Variants in ATXN7 observed in about 807,000 individuals in gnomAD.
ATXN7 encodes ataxin 7, also known as ataxin-7.
Under a neutral mutation model 70.5 loss-of-function variants are expected in ATXN7, and 12 were observed. The observed-to-expected ratio is 0.17, with a 90% CI of 0.11 to 0.28. The LOEUF (loss-of-function observed/expected upper bound fraction) is 0.28. Among genes scored for constraint, ATXN7 ranks in the 10% least tolerant of loss-of-function variants. The pLI, the probability that ATXN7 is intolerant of heterozygous loss-of-function variation, is 1.00. For missense variants in ATXN7, 1,256 were observed against 1,131.7 expected (o/e 1.11, Z -1.58); for synonymous variants, 498 against 448.7 (o/e 1.11, Z -1.39).
Position 64,000,878 on chromosome 3 carries a change from C to G in ATXN7, c.*1411C>G, listed in dbSNP as rs938294287. 3 of 142,442 alleles carry G rather than the reference C, an allele frequency of 2.1e-5. No homozygotes were observed. Among genetic ancestry groups the G allele is most frequent in the Admixed American group, 7.8e-5 (1 of 12,826 alleles). 8.8% of individuals were successfully genotyped at this position (142,442 alleles called of 1,614,324 possible). On this transcript the variant is annotated 3_prime_UTR_variant, in exon 13 of 13. Coordinates refer to ENST00000674280, the MANE Select transcript of ATXN7 (RefSeq NM_001377405.1). Reference sequence around the variant, plus strand: ...GAGAAGGTGTCATTGAATTCCGGGACGAGCCGGAGCCTTTAAATGGGTGCT... The same window carrying G: ...GAGAAGGTGTCATTGAATTCCGGGAGGAGCCGGAGCCTTTAAATGGGTGCT...
intron 2 of ATXN7, among the ~76,000 whole-genome samples, chr3:63,907,564 G>A (rs1703881478): frequency 6.8e-6 from 1 of 146,022 alleles, no homozygotes; most frequent in Non-Finnish European, 1.5e-5. Flanking sequence ...AACTTAAGCA[G>A]TCCTCCCCCT....
At position 63,992,071 on chromosome 3, in the gene ATXN7, CTGTT is replaced by C. The variant is rs551687580; in HGVS notation, c.1682+1215_1682+1218del. 4.7e-4 allele frequency among the ~76,000 whole-genome samples: 71 copies of C among 152,282 alleles called. No homozygotes were observed. The Middle Eastern group carries it at 0.014, about 29-fold the overall frequency. On this transcript the variant is annotated intron_variant, in intron 11 of 12. Transcript: ENST00000674280. ...TAATCCCCAGGCCATCCCAGATCCT[CTGTT>C]TGGGCATTATTTACTAGTGCCTCCT...
intron 4 of ATXN7, among the ~76,000 whole-genome samples, chr3:63,924,363 T>C (rs1704622196): frequency 1.3e-5 from 2 of 152,084 alleles, no homozygotes; most frequent in Non-Finnish European, 2.9e-5. Flanking sequence ...TGGAGCAGTC[T>C]GGGGTGGAGA....
At chr3:63,881,624 G>T (rs1041927126) in intron 1 of ATXN7, among the ~76,000 whole-genome samples, 1 of 152,092 alleles carries the variant, frequency 6.6e-6, no homozygotes, top group Non-Finnish European at 1.5e-5. Flanking sequence ...GAGAAGCTGG[G>T]ATTATAGGTG....
At chr3:63,863,306 C>G, upstream of ATXN7, 1 of 371,046 alleles carries the variant, frequency 2.7e-6, no homozygotes, top group Non-Finnish European at 3.7e-6. Flanking sequence ...AGCTCCCACT[C>G]CCTCCCAGAC....
intron 4 of ATXN7, among the ~76,000 whole-genome samples, chr3:63,937,106 T>TG (rs1231136216): frequency 2.6e-5 from 4 of 152,152 alleles, no homozygotes; most frequent in African/African-American, 4.8e-5. Context: ...TGCCAGAAGA[T>TG]GGGGGTACGA....
At chr3:63,959,085 G>A (rs2075081641) in intron 5 of ATXN7, among the ~76,000 whole-genome samples, 1 of 152,206 alleles carries the variant, frequency 6.6e-6, no homozygotes, top group South Asian at 2.1e-4. Context: ...AATGATGGTA[G>A]GTAGATAATT....
At chr3:63,995,427 C>G in intron 11 of ATXN7, 78 bp from the exon 12 acceptor site, 1 of 1,510,254 alleles carries the variant, frequency 6.6e-7, no homozygotes, top group Admixed American at 1.8e-5. Context: ...TTGTCACAAG[C>G]AAAGAGGGTG....
chr3:63,929,333 C>T (rs867417061), intron 4 of ATXN7, among the ~76,000 whole-genome samples: 8 of 147,304 alleles, frequency 5.4e-5, no homozygotes, highest in South Asian at 2.1e-4. Context: ...AGTGCAGTGG[C>T]GCCATCTCGG....
intron 2 of ATXN7, among the ~76,000 whole-genome samples, chr3:63,911,082 A>C (rs1262876759): frequency 1.3e-5 from 2 of 152,290 alleles, no homozygotes; most frequent in South Asian, 2.1e-4. Context: ...CAGAGAAAGC[A>C]CTTGTGAGCA....
At chr3:63,914,466 G>A (rs1704182125) in intron 4 of ATXN7, among the ~76,000 whole-genome samples, 1 of 152,148 alleles carries the variant, frequency 6.6e-6, no homozygotes, top group Non-Finnish European at 1.5e-5. Flanking sequence ...GAAAGCACAG[G>A]ACTTGTTGAT....
At chr3:63,970,164 A>G (rs1362825033) in intron 5 of ATXN7, among the ~76,000 whole-genome samples, 1 of 152,230 alleles carries the variant, frequency 6.6e-6, no homozygotes, top group Admixed American at 6.5e-5. Context: ...TGACATAAAG[A>G]TCACAGAGGT....
At chr3:63,888,206 A>C in intron 1 of ATXN7, among the ~76,000 whole-genome samples, 1 of 152,302 alleles carries the variant, frequency 6.6e-6, no homozygotes, top group Middle Eastern at 3.4e-3. Flanking sequence ...TGAATAGATT[A>C]TTCTGTGGAA....
At chr3:63,917,223 G>T (rs980655196) in intron 4 of ATXN7, among the ~76,000 whole-genome samples, 1 of 152,096 alleles carries the variant, frequency 6.6e-6, no homozygotes, top group African/African-American at 2.4e-5. Context: ...CCTGGTTGAC[G>T]TTTTTGAAAT....
At position 63,988,297 on chromosome 3, in the gene ATXN7, C is replaced by G. The variant is rs755191407; in HGVS notation, c.1334C>G (p.Pro445Arg). The G allele has an allele frequency of 1.9e-6, 3 of 1,614,060 alleles. No individual in the cohort carries two copies. In the South Asian group the frequency reaches 3.3e-5, roughly 18 times the overall value. Reference sequence around the variant, plus strand: ...TCAAAGCCTTTTGTAGCTAGTAAACCTAAACCTCACACCCCCAGTCTTCCA... The same window carrying G: ...TCAAAGCCTTTTGTAGCTAGTAAACGTAAACCTCACACCCCCAGTCTTCCA... ...SESKPFVASK[P>R]KPHTPSLPRP... is the part of the protein sequence containing the mutation. Residue 445 changes from proline to arginine, a missense_variant, in exon 9 of 13, where the codon CCT becomes CGT. Coordinates refer to ENST00000674280, the MANE Select transcript of ATXN7 (RefSeq NM_001377405.1).
At chr3:63,943,213 G>A (rs1253546883) in intron 4 of ATXN7, among the ~76,000 whole-genome samples, 1 of 152,200 alleles carries the variant, frequency 6.6e-6, no homozygotes, top group African/African-American at 2.4e-5. Flanking sequence ...ACTAGCAAAG[G>A]GCCCGAAGTG....
At chr3:63,912,567 C>T (rs1358230357) in intron 2 of ATXN7, 21 bp from the exon 3 acceptor site, 14 of 1,115,964 alleles carry the variant, frequency 1.3e-5, no homozygotes, top group Admixed American at 5.2e-5. Context: ...CTCTTTCCCC[C>T]TTTTTTTTGT....
At position 64,001,258 on chromosome 3, in the gene ATXN7, T is replaced by TG. The variant is rs2106819566; in HGVS notation, c.*1792dup. On this transcript the variant is annotated 3_prime_UTR_variant, in exon 13 of 13. Coordinates refer to ENST00000674280, the MANE Select transcript of ATXN7 (RefSeq NM_001377405.1). ...TTAAAGGAAGGAGAGAACAGTATCT[T>TG]GTTCAATTATTATGCAATCAATCAG... is the stretch of plus-strand genomic sequence containing the variant. 6.6e-6 allele frequency: 1 copy of TG among 152,328 alleles called. No homozygotes were observed. Among genetic ancestry groups the TG allele is most frequent in the East Asian group, 1.9e-4 (1 of 5,180 alleles). The allele number at this position is 152,328 out of a possible 1,614,324, so 9.4% of individuals were successfully genotyped here.
chr3:63,913,636 C>T (rs1704148068), intron 4 of ATXN7, among the ~76,000 whole-genome samples: 1 of 152,154 alleles, frequency 6.6e-6, no homozygotes, highest in Non-Finnish European at 1.5e-5. Flanking sequence ...AGATGCTTTA[C>T]CTATGCAGTC....
Sources: allele counts gnomAD v4.1 joint callset (sites outside exome capture counted in the v4.1 genomes callset), GRCh38; gene constraint gnomAD v4.1.1; transcripts MANE v1.5; gene names NCBI Gene and HGNC (gene_info 2026-07-23, HGNC 2026-07-21).